The following ZNF195 variants were observed in gnomAD, a reference collection of about 807,000 sequenced individuals.
The protein encoded by ZNF195 is hypoxia-regulated factor-1.
Under a neutral mutation model 19.5 loss-of-function variants are expected in ZNF195, and 11 were observed. The observed-to-expected ratio is 0.57, with a 90% CI of 0.36 to 0.94. The LOEUF is 0.94. Among genes scored for constraint, ZNF195 ranks in the 40% least tolerant of loss-of-function variants. The pLI is 0.01. For synonymous variants in ZNF195, 214 were observed against 248.1 expected, an observed-to-expected ratio of 0.86 and a Z score of 1.29; for missense variants, 582 against 709.0, an observed-to-expected ratio of 0.82 and a Z score of 2.03.
Position 3,359,362 on chromosome 11 carries a change from G to A in ZNF195, c.1646C>T (p.Pro549Leu). 1 of 1,614,014 alleles carries A rather than the reference G, an allele frequency of 6.2e-7. No homozygotes were observed. The highest frequency in any genetic ancestry group is 8.5e-7 in the Non-Finnish European group (1 of 1,179,988). Reference sequence around the variant, plus strand: ...TCTGCCACATTCTTCACACTTGTAGGGTTTCTCTCCAGTATGAATTCTCTT... The same window carrying A: ...TCTGCCACATTCTTCACACTTGTAGAGTTTCTCTCCAGTATGAATTCTCTT... Reference protein sequence around the residue: ...VHKRIHTGEKPYKCEECGRVF... With the variant: ...VHKRIHTGEKLYKCEECGRVF... Residue 549 changes from proline (P) to leucine (L), a missense_variant, in exon 6 of 6, where the codon CCC (proline) becomes CTC (leucine). By Grantham distance (98) the Pro-to-Leu change is moderately conservative. Around this residue, in one of 3 missense-constraint regions of ZNF195, gnomAD observed 407 missense variants for 530.5 expected, o/e 0.77. Transcript: ENST00000399602. The surrounding 1 kb of genome is among the most constrained non-coding windows in gnomAD (Gnocchi z 5.5).
intron 1 of ZNF195, among the ~76,000 whole-genome samples, chr11:3,372,391 A>G (rs1849253476): frequency 6.6e-6 from 1 of 152,276 alleles, no homozygotes; most frequent in South Asian, 2.1e-4. Flanking sequence ...AGCTCTTTAA[A>G]CAACTGAATA....
In ZNF195 at chr11:3,358,997, G is replaced by T; in HGVS notation, c.*121C>A. On this transcript the variant is annotated 3_prime_UTR_variant, in exon 6 of 6. Coordinates refer to ENST00000399602, the MANE Select transcript of ZNF195 (RefSeq NM_001130520.3). ...TGTGCTCTGGAGACTTATATTTCATGAAAGGTCTTTCAATAGTAATTACAT... is the reference window on the plus strand; with the variant it reads ...TGTGCTCTGGAGACTTATATTTCATTAAAGGTCTTTCAATAGTAATTACAT... The T allele has an allele frequency of 3.2e-6, 4 of 1,246,230 alleles. No individual in the cohort carries two copies. Among genetic ancestry groups the T allele is most frequent in the Non-Finnish European group, 4.2e-6 (4 of 960,052 alleles). The allele number at this position is 1,246,230 out of a possible 1,614,324, so 77.2% of individuals were successfully genotyped here.
intron 3 of ZNF195, among the ~76,000 whole-genome samples, chr11:3,367,332 A>G (rs1426824198): frequency 6.6e-6 from 1 of 152,054 alleles, no homozygotes; most frequent in African/African-American, 2.4e-5. Context: ...ACAAAACACT[A>G]AGAGATGTTA....
chr11:3,371,158 T>G (rs1306770208), intron 2 of ZNF195, 88 bp from the exon 3 acceptor site: 2 of 1,250,378 alleles, frequency 1.6e-6, no homozygotes, highest in Non-Finnish European at 2.2e-6. Flanking sequence ...GAACATTATA[T>G]AAGATTCTAG....
Position 3,358,764 on chromosome 11 carries a change from C to CTGTG in ZNF195, c.*353_*354insCACA, listed in dbSNP as rs1210793306. ...GATTCAGTGTCATTTCTGAACGTGT[C>CTGTG]CTTGCTTATTTTTCCCATTTAGTGT... On this transcript the variant is annotated 3_prime_UTR_variant, in exon 6 of 6. Coordinates refer to ENST00000399602, the MANE Select transcript of ZNF195 (RefSeq NM_001130520.3). 6 of 3,448 alleles carry CTGTG rather than the reference C, an allele frequency of 1.7e-3. 1 individual carries two copies. The highest frequency in any genetic ancestry group is 3.2e-3 in the Non-Finnish European group (6 of 1,882). The allele number at this position is 3,448 out of a possible 1,614,324, so 0.2% of individuals were successfully genotyped here. A position where few individuals can be genotyped will look rare whatever the true frequency, so the allele number is the denominator to read the frequency against.
chr11:3,377,503 A>G (rs903850451), intron 1 of ZNF195: 7 of 892,074 alleles, frequency 7.8e-6, no homozygotes, highest in Non-Finnish European at 9.8e-6. Context: ...AAGGGCAGAA[A>G]TGATTTCGGT....
At chr11:3,360,913 A>G (rs1414359447) in intron 4 of ZNF195, 125 bp from the exon 5 acceptor site, 1 of 794,346 alleles carries the variant, frequency 1.3e-6, no homozygotes. Context: ...TTCAAAAGAG[A>G]AAGCAAATAC....
At chr11:3,371,209 G>A (rs573330944) in intron 2 of ZNF195, 139 bp from the exon 3 acceptor site, 1 of 780,850 alleles carries the variant, frequency 1.3e-6, no homozygotes. Flanking sequence ...ATCACCTTTA[G>A]AATATTCAGT....
intron 3 of ZNF195, chr11:3,362,684 G>T: frequency 2.4e-6 from 1 of 416,262 alleles, no homozygotes; most frequent in South Asian, 5.1e-5. Context: ...AAGAGAGAAA[G>T]AAAAAGCTAC....
Position 3,359,680 on chromosome 11 carries a change from C to T in ZNF195, c.1328G>A (p.Cys443Tyr). 6.2e-7 allele frequency: 1 copy of T among 1,614,204 alleles called. No individual in the cohort carries two copies. Among genetic ancestry groups the T allele is most frequent in the Non-Finnish European group, 8.5e-7 (1 of 1,180,022 alleles). The change falls in exon 6 of 6, where the codon TGT (cysteine) becomes TAT (tyrosine). Residue 443 changes from cysteine (C) to tyrosine (Y), a missense_variant. Around this residue, in one of 3 missense-constraint regions of ZNF195, gnomAD observed 407 missense variants for 530.5 expected, o/e 0.77. Coordinates refer to ENST00000399602, the MANE Select transcript of ZNF195 (RefSeq NM_001130520.3). This position sits in a 1 kb window ranked among gnomAD's most constrained non-coding sequence, Gnocchi z 5.5. ...TGEKPYKCDE[C>Y]GKAYTQSSHL... is the part of the protein sequence containing the mutation. Reference sequence around the variant, plus strand: ...TGAGGACTGTGTATAGGCTTTCCCACATTCGTCACATTTGTATGGTTTCTC... The same window carrying T: ...TGAGGACTGTGTATAGGCTTTCCCATATTCGTCACATTTGTATGGTTTCTC...
At chr11:3,370,752 A>T (rs1300969603) in intron 3 of ZNF195, among the ~76,000 whole-genome samples, 1 of 152,228 alleles carries the variant, frequency 6.6e-6, no homozygotes, top group Non-Finnish European at 1.5e-5. Flanking sequence ...TTTTTACTGT[A>T]ACCTTTATAA....
rs1427831762 is a variant in ZNF195 at position 3,360,436 on chromosome 11, C to T, written c.572G>A (p.Ser191Asn). The change falls in exon 6 of 6, where the codon AGT becomes AAT. Residue 191 changes from serine (S) to asparagine (N), a missense_variant. This residue lies in a region of ZNF195 where 407 missense variants were observed against 530.5 expected (regional missense o/e 0.77). Coordinates refer to ENST00000399602, the MANE Select transcript of ZNF195 (RefSeq NM_001130520.3). ...TTTTTGCAACTTACACTCATCTAAA[C>T]TTTCCCAGTCTTTCCTTAAATATAA... ...DNLYLRKDWESLDECKLQKDY... is the reference protein window; with the variant it reads ...DNLYLRKDWENLDECKLQKDY... 1 of 1,612,506 alleles carries T rather than the reference C, an allele frequency of 6.2e-7. No homozygotes were observed. The highest frequency in any genetic ancestry group is 1.7e-5 in the Admixed American group (1 of 59,826).
chr11:3,371,760 G>C (rs1849224441), intron 1 of ZNF195, 57 bp from the exon 2 acceptor site: 3 of 1,534,164 alleles, frequency 2.0e-6, no homozygotes, highest in African/African-American at 2.8e-5. Context: ...ATGAGCGAGT[G>C]AAGAGAACTG....
Position 3,358,934 on chromosome 11 carries a change from G to T in ZNF195, c.*184C>A. On this transcript the variant is annotated 3_prime_UTR_variant, in exon 6 of 6. Coordinates refer to ENST00000399602, the MANE Select transcript of ZNF195 (RefSeq NM_001130520.3). Reference sequence around the variant, plus strand: ...GCAACTGATGCAAGTCTTCCATCTAGTATAATTGTAACATTTTTTTCAGAA... The same window carrying T: ...GCAACTGATGCAAGTCTTCCATCTATTATAATTGTAACATTTTTTTCAGAA... The T allele has an allele frequency of 1.2e-6, 1 of 800,046 alleles. No individual in the cohort carries two copies. The highest frequency in any genetic ancestry group is 4.9e-5 in the South Asian group (1 of 20,426). The allele number at this position is 800,046 out of a possible 1,614,324, so 49.6% of individuals were successfully genotyped here.
chr11:3,375,183 T>C (rs1330135592), intron 1 of ZNF195, among the ~76,000 whole-genome samples: 2 of 152,224 alleles, frequency 1.3e-5, no homozygotes, highest in Non-Finnish European at 2.9e-5. Flanking sequence ...TGGGCATGTC[T>C]GGGCAGGGAG....
rs1187068259 is a variant in ZNF195, at chr11:3,359,313, A to C, written c.1695T>G (p.Ile565Met). 1.3e-6 allele frequency: 2 copies of C among 1,585,298 alleles called. No individual in the cohort carries two copies. The highest frequency in any genetic ancestry group is 1.7e-6 in the Non-Finnish European group (2 of 1,167,104). Reference sequence around the variant, plus strand: ...CAGTATGGGTTTTCTTATGTTTGGTAATGTCTGAGAACCACATGAAGACTC... The same window carrying C: ...CAGTATGGGTTTTCTTATGTTTGGTCATGTCTGAGAACCACATGAAGACTC... The part of the protein sequence containing the change: ...CGRVFMWFSD[I>M]TKHKKTHTGE... The change falls in exon 6 of 6, where the codon ATT becomes ATG. Residue 565 changes from isoleucine (I) to methionine (M), a missense_variant. By Grantham distance (10) the Ile-to-Met change is conservative (BLOSUM62 1). Around this residue, in one of 3 missense-constraint regions of ZNF195, gnomAD observed 407 missense variants for 530.5 expected, o/e 0.77. Transcript: ENST00000399602. The surrounding 1 kb of genome is among the most constrained non-coding windows in gnomAD (Gnocchi z 5.5).
At chr11:3,364,390 C>A (rs1191216573) in intron 3 of ZNF195, among the ~76,000 whole-genome samples, 3 of 152,138 alleles carry the variant, frequency 2.0e-5, no homozygotes, top group Admixed American at 6.5e-5. Context: ...ATATAAAACT[C>A]TGTTAAAGGT....
At chr11:3,369,325 G>A (rs1040169686) in intron 3 of ZNF195, 2 of 227,740 alleles carry the variant, frequency 8.8e-6, no homozygotes, top group Admixed American at 5.1e-5. Context: ...GTGGGGGGGC[G>A]TTATTTAAAA....
intron 1 of ZNF195, among the ~76,000 whole-genome samples, 156 bp from the exon 2 acceptor site, chr11:3,371,859 T>C (rs773401026): frequency 3.3e-5 from 5 of 152,230 alleles, no homozygotes; most frequent in Non-Finnish European, 7.3e-5. Context: ...GAGAATTGCC[T>C]GAGAGCCACA....
Sources: gnomAD v4.1 joint callset for allele counts (sites outside exome capture counted in the v4.1 genomes callset) on GRCh38, gnomAD v4.1.1 for gene constraint, gnomAD v4.1.1 regional missense constraint, Gnocchi (gnomAD v3.1) non-coding constraint, MANE v1.5 for transcripts, NCBI Gene and HGNC (gene_info 2026-07-23, HGNC 2026-07-21) for gene names.